The following CACNA1C variants were observed in gnomAD, a reference collection of about 807,000 sequenced individuals.
CACNA1C encodes the protein voltage-dependent L-type calcium channel subunit alpha-1C.
Under a neutral mutation model 229.0 loss-of-function variants are expected in CACNA1C, and 30 were observed. That is an observed-to-expected ratio of 0.13 (90% confidence interval 0.10 to 0.18). The LOEUF (loss-of-function observed/expected upper bound fraction) is 0.18, where lower values mean the gene tolerates loss of function less well. Among genes scored for constraint, CACNA1C ranks in the 10% least tolerant of loss-of-function variants. CACNA1C has a pLI of 1.00. For missense variants in CACNA1C, 1,658 were observed against 2,845.0 expected, an observed-to-expected ratio of 0.58 and a Z score of 9.49; for synonymous variants, 1,114 against 1,132.5, an observed-to-expected ratio of 0.98 and a Z score of 0.33.
intron 3 of CACNA1C, among the ~76,000 whole-genome samples, chr12:2,125,393 A>G (rs1366599755): frequency 6.6e-6 from 1 of 152,192 alleles, no homozygotes; most frequent in Non-Finnish European, 1.5e-5. Flanking sequence ...CTGAGGTTCA[A>G]TGCTTGAAAC....
intron 1 of CACNA1C, among the ~76,000 whole-genome samples, chr12:2,066,242 A>G (rs1047967715): frequency 7.2e-5 from 11 of 152,058 alleles, no homozygotes; most frequent in African/African-American, 2.7e-4. Context: ...GATGCCCAGC[A>G]TGCACGCAGA....
intron 3 of CACNA1C, among the ~76,000 whole-genome samples, chr12:2,272,119 C>T (rs1362404885): frequency 1.3e-5 from 2 of 152,170 alleles, no homozygotes; most frequent in African/African-American, 4.8e-5. Context: ...CTCACAACCC[C>T]TCAGTGAGTT....
intron 3 of CACNA1C, among the ~76,000 whole-genome samples, chr12:2,210,186 A>C (rs1473388830): frequency 2.0e-5 from 3 of 152,246 alleles, no homozygotes; most frequent in African/African-American, 4.8e-5. Flanking sequence ...ATATGTTTTT[A>C]TCTGAATGCT....
chr12:2,049,007 C>A (rs1464471743), upstream of CACNA1C: 1 of 152,174 alleles, frequency 6.6e-6, no homozygotes, highest in Non-Finnish European at 1.5e-5. Flanking sequence ...CAAATATAAA[C>A]CTGACTTTAA....
At chr12:2,199,376 T>G (rs2097520577) in intron 3 of CACNA1C, among the ~76,000 whole-genome samples, 1 of 152,182 alleles carries the variant, frequency 6.6e-6, no homozygotes, top group African/African-American at 2.4e-5. Context: ...GTGAAGACGA[T>G]GAGGGTGAAA....
intron 30 of CACNA1C, among the ~76,000 whole-genome samples, chr12:2,640,395 C>G (rs1462609466): frequency 6.6e-6 from 1 of 152,208 alleles, no homozygotes; most frequent in African/African-American, 2.4e-5. Flanking sequence ...AGCTGCCTGA[C>G]TTGACTTCTC....
intron 5 of CACNA1C, among the ~76,000 whole-genome samples, chr12:2,463,038 G>T (rs758295033): frequency 1.3e-5 from 2 of 150,034 alleles, no homozygotes; most frequent in Non-Finnish European, 3.0e-5. Context: ...TCAGCCTCCC[G>T]AGTAGCTGGG....
At chr12:2,353,217 G>A (rs954302351) in intron 3 of CACNA1C, among the ~76,000 whole-genome samples, 1 of 152,148 alleles carries the variant, frequency 6.6e-6, no homozygotes, top group Non-Finnish European at 1.5e-5. Flanking sequence ...TCTGGCAGGT[G>A]GGTAGAATTT....
At chr12:2,652,519 C>A (rs923491908) in intron 32 of CACNA1C, among the ~76,000 whole-genome samples, 10 of 152,388 alleles carry the variant, frequency 6.6e-5, no homozygotes, top group Non-Finnish European at 8.8e-5. Context: ...TCTCTCCCCC[C>A]ATGGAGGGGC....
chr12:2,521,198 A>G (rs955056697), intron 9 of CACNA1C, among the ~76,000 whole-genome samples: 2 of 152,216 alleles, frequency 1.3e-5, no homozygotes, highest in African/African-American at 4.8e-5. Flanking sequence ...GTATTGGTCT[A>G]CCTTTCACTG....
intron 34 of CACNA1C, among the ~76,000 whole-genome samples, chr12:2,663,162 C>T (rs1292788818): frequency 3.9e-5 from 6 of 152,112 alleles, no homozygotes; most frequent in Non-Finnish European, 8.8e-5. Context: ...CTTAGATTCA[C>T]CAAAATACAC....
At chr12:2,509,057 G>A (rs899390944) in intron 8 of CACNA1C, among the ~76,000 whole-genome samples, 1 of 152,208 alleles carries the variant, frequency 6.6e-6, no homozygotes, top group African/African-American at 2.4e-5. Context: ...CTTGGGAAGT[G>A]CGCCTCCAGT....
At chr12:2,420,102 GGTGTGTGTGTGTGTGT>G (rs564990323) in intron 3 of CACNA1C, among the ~76,000 whole-genome samples, 11 of 125,490 alleles carry the variant, frequency 8.8e-5, no homozygotes, top group East Asian at 2.3e-4. Context: ...TAGGCAAAAT[GGTGTGTGTGTGTGTGT>G]GTGTGTGTGT....
intron 3 of CACNA1C, among the ~76,000 whole-genome samples, chr12:2,145,430 C>A (rs769204190): frequency 6.6e-6 from 1 of 151,074 alleles, no homozygotes; most frequent in East Asian, 1.9e-4. Flanking sequence ...ATTTGTAATT[C>A]TATAAATTGA....
chr12:2,251,370 A>T lies in CACNA1C; in HGVS notation c.477+130940A>T, dbSNP rs1299335316. On this transcript the variant is annotated intron_variant, in intron 3 of 46. Coordinates refer to ENST00000399655, the MANE Select transcript of CACNA1C (RefSeq NM_000719.7). ...CTTTCTAGTACAGTGATCCTAAAGG[A>T]CATGGCTGAAGCGTGTTGAAATCCT... Among the ~76,000 whole-genome samples the T allele has an allele frequency of 5.9e-5, 9 of 152,288 alleles. No homozygotes were observed. The East Asian group carries it at 7.7e-4, about 13-fold the overall frequency.
At chr12:2,043,949 C>T (rs923492730) in intron 1 of CACNA1C, among the ~76,000 whole-genome samples, 1 of 151,962 alleles carries the variant, frequency 6.6e-6, no homozygotes, top group African/African-American at 2.4e-5. Flanking sequence ...GCCACCGCGC[C>T]CGGCCAAAAA....
chr12:2,139,638 C>T lies in CACNA1C; in HGVS notation c.477+19208C>T, dbSNP rs78102944. On this transcript the variant is annotated intron_variant, in intron 3 of 46. Transcript: ENST00000399655. ...TCCAGACAGGGTGGGCTTCTGTACC[C>T]GTTTACAGTATAGCCGCCTGAGGGA... is the stretch of plus-strand genomic sequence containing the variant. Among the ~76,000 whole-genome samples the T allele has an allele frequency of 9.0e-4, 136 of 151,274 alleles. 7 individuals are homozygous for T. Among genetic ancestry groups the T allele is most frequent in the East Asian group, 4.3e-3 (22 of 5,174 alleles).
chr12:2,611,238 G>A (rs2077567908), intron 28 of CACNA1C, among the ~76,000 whole-genome samples: 1 of 134,320 alleles, frequency 7.4e-6, no homozygotes, highest in Admixed American at 7.3e-5. Flanking sequence ...ATGGAGAGAG[G>A]GGAGGAGATG....
At chr12:2,620,155 A>G (rs1199984348) in intron 29 of CACNA1C, among the ~76,000 whole-genome samples, 3 of 152,190 alleles carry the variant, frequency 2.0e-5, no homozygotes, top group African/African-American at 7.2e-5. Flanking sequence ...CTCCCATTTT[A>G]CATCTGAAGA....
Sources: allele counts gnomAD v4.1 joint callset (sites outside exome capture counted in the v4.1 genomes callset), GRCh38; gene constraint gnomAD v4.1.1; transcripts MANE v1.5; gene names NCBI Gene and HGNC (gene_info 2026-07-23, HGNC 2026-07-21).